Variants in LGR5 observed in about 807,000 individuals in gnomAD.
The protein encoded by LGR5 is leucine rich repeat containing G protein-coupled receptor 5, also known as leucine-rich repeat-containing G protein-coupled receptor 5.
In LGR5, 54 loss-of-function variants were observed where a neutral mutation model predicts 76.7. That is an observed-to-expected ratio of 0.70 (90% CI 0.57 to 0.88). The LOEUF (loss-of-function observed/expected upper bound fraction) is 0.88, where lower values mean the gene tolerates loss of function less well. LGR5 is among the 40% of genes least tolerant of loss of function. The pLI, the probability that LGR5 is intolerant of heterozygous loss-of-function variation, is 0.00. For missense variants in LGR5, 1,078 were observed against 1,073.3 expected (o/e 1.00, Z -0.06); for synonymous variants, 406 against 421.9 (o/e 0.96, Z 0.46).
chr12:71,504,758 T>C, intron 2 of LGR5, 73 bp downstream of exon 2: 2 of 1,222,288 alleles, frequency 1.6e-6, no homozygotes, highest in Admixed American at 1.7e-5. Context: ...TCATACTTAC[T>C]GTGGGAACCA....
rs192779725 is a variant in LGR5, at chr12:71,508,622, C to T, written c.284+3937C>T. Among the ~76,000 whole-genome samples the T allele has an allele frequency of 2.7e-3, 405 of 151,086 alleles. 3 individuals are homozygous for T. The highest frequency in any genetic ancestry group is 9.3e-3 in the African/African-American group (381 of 41,162). On this transcript the variant is annotated intron_variant, in intron 2 of 17. Coordinates refer to ENST00000266674, the MANE Select transcript of LGR5 (RefSeq NM_003667.4). The stretch of plus-strand genomic sequence containing the variant: ...TACAAAAATTAGCTGGGTGTTGTGG[C>T]GCGCGCCTGTAGTTCCAGCTACTCA...
At chr12:71,532,909 T>G (rs986528589) in intron 3 of LGR5, among the ~76,000 whole-genome samples, 2 of 152,034 alleles carry the variant, frequency 1.3e-5, no homozygotes, top group African/African-American at 4.8e-5. Flanking sequence ...AATGTTTAGA[T>G]AGCTAGGTGT....
At chr12:71,514,807 T>C (rs1875355531) in intron 2 of LGR5, among the ~76,000 whole-genome samples, 1 of 152,176 alleles carries the variant, frequency 6.6e-6, no homozygotes, top group Non-Finnish European at 1.5e-5. Flanking sequence ...ACAAATTGGA[T>C]ATGCTTAACA....
At chr12:71,517,093 A>G (rs1875483473) in intron 2 of LGR5, among the ~76,000 whole-genome samples, 2 of 152,140 alleles carry the variant, frequency 1.3e-5, no homozygotes, top group South Asian at 4.1e-4. Context: ...TCAAATCATC[A>G]CAACAAAGGT....
At chr12:71,563,952 C>T (rs375153820) in intron 8 of LGR5, among the ~76,000 whole-genome samples, 2 of 37,162 alleles carry the variant, frequency 5.4e-5, no homozygotes, top group African/African-American at 5.2e-5. Flanking sequence ...TGTATATATG[C>T]ATATATACGT....
chr12:71,560,144 C>A (rs998586036), intron 7 of LGR5, among the ~76,000 whole-genome samples: 3 of 152,156 alleles, frequency 2.0e-5, no homozygotes, highest in Non-Finnish European at 4.4e-5. Flanking sequence ...GGACAACAAC[C>A]CTTGCACAGT....
chr12:71,472,766 G>T (rs887781217), intron 1 of LGR5, among the ~76,000 whole-genome samples: 3 of 152,218 alleles, frequency 2.0e-5, no homozygotes, highest in African/African-American at 7.2e-5. Context: ...CACTGGCATT[G>T]TAACACTATT....
At chr12:71,551,667 A>G (rs1456157782) in intron 4 of LGR5, among the ~76,000 whole-genome samples, 1 of 152,206 alleles carries the variant, frequency 6.6e-6, no homozygotes, top group Non-Finnish European at 1.5e-5. Flanking sequence ...ACGAAAAGTT[A>G]GGACCTTTAA....
intron 1 of LGR5, among the ~76,000 whole-genome samples, chr12:71,456,396 G>T (rs377482869): frequency 6.6e-6 from 1 of 152,130 alleles, no homozygotes; most frequent in Admixed American, 6.6e-5. Flanking sequence ...AGCTGGCAGG[G>T]TTGTGTTCTT....
chr12:71,439,929 C>T lies in LGR5; in HGVS notation c.-152C>T. 1 of 654,398 alleles carries T rather than the reference C, an allele frequency of 1.5e-6. No homozygotes were observed. Among genetic ancestry groups the T allele is most frequent in the South Asian group, 2.1e-5 (1 of 48,768 alleles). 40.5% of individuals were successfully genotyped at this position (654,398 alleles called of 1,614,324 possible). ...CCCCGCCGCGCTTCTCCTCGCCGCCCACGCCGTGGGGTCAGGAACGCGGCG... is the reference window on the plus strand; with the variant it reads ...CCCCGCCGCGCTTCTCCTCGCCGCCTACGCCGTGGGGTCAGGAACGCGGCG... On this transcript the variant is annotated 5_prime_UTR_variant, in exon 1 of 18. Coordinates refer to ENST00000266674, the MANE Select transcript of LGR5 (RefSeq NM_003667.4).
chr12:71,530,585 AT>A (rs1359400012), intron 3 of LGR5, among the ~76,000 whole-genome samples: 1 of 152,058 alleles, frequency 6.6e-6, no homozygotes, highest in Non-Finnish European at 1.5e-5. Flanking sequence ...ATTTAAAGTT[AT>A]TTTTCCTGTA....
intron 1 of LGR5, among the ~76,000 whole-genome samples, chr12:71,474,534 G>T (rs908780560): frequency 6.6e-6 from 1 of 152,140 alleles, no homozygotes; most frequent in Non-Finnish European, 1.5e-5. Context: ...TTTTAAAATC[G>T]ACCCAGTAAG....
chr12:71,561,970 C>T (rs1328756672), intron 8 of LGR5, 118 bp downstream of exon 8: 1 of 614,826 alleles, frequency 1.6e-6, no homozygotes, highest in African/African-American at 1.9e-5. Context: ...TCTAAGAGTT[C>T]ATACAGAAAG....
At chr12:71,503,395 C>T (rs527247014) in intron 1 of LGR5, among the ~76,000 whole-genome samples, 1 of 152,250 alleles carries the variant, frequency 6.6e-6, no homozygotes, top group Admixed American at 6.5e-5. Flanking sequence ...TGTTCACTAA[C>T]AGATAATAAA....
chr12:71,467,181 G>A (rs1872900720), intron 1 of LGR5, among the ~76,000 whole-genome samples: 2 of 152,128 alleles, frequency 1.3e-5, no homozygotes, highest in African/African-American at 4.8e-5. Context: ...AGTGGAGTGA[G>A]GGGATTTGAA....
At chr12:71,489,822 G>A (rs1873986536) in intron 1 of LGR5, among the ~76,000 whole-genome samples, 1 of 152,144 alleles carries the variant, frequency 6.6e-6, no homozygotes, top group Admixed American at 6.5e-5. Flanking sequence ...CAGCACTTTG[G>A]GAGACTGAGG....
At position 71,584,841 on chromosome 12, in the gene LGR5, A is replaced by C. The variant is rs1006822137; in HGVS notation, c.*107A>C. The C allele has an allele frequency of 8.5e-7, 1 of 1,179,078 alleles. No individual in the cohort carries two copies. The highest frequency in any genetic ancestry group is 1.2e-6 in the Non-Finnish European group (1 of 839,296). 73.0% of individuals were successfully genotyped at this position (1,179,078 alleles called of 1,614,324 possible). ...AAGAGCTGAGGTGAAACTCGGTTTA[A>C]AAACCAAAAAAGAATCTCTCAGTTA... On this transcript the variant is annotated 3_prime_UTR_variant, in exon 18 of 18. Transcript: ENST00000266674.
chr12:71,555,776 A>G (rs562276116), intron 5 of LGR5, among the ~76,000 whole-genome samples: 1 of 152,302 alleles, frequency 6.6e-6, no homozygotes, highest in African/African-American at 2.4e-5. Context: ...CAACTCCTCA[A>G]AGACCTAAAG....
intron 1 of LGR5, among the ~76,000 whole-genome samples, chr12:71,496,891 G>T (rs1174017297): frequency 6.6e-6 from 1 of 152,160 alleles, no homozygotes; most frequent in Non-Finnish European, 1.5e-5. Flanking sequence ...AATATGAAAC[G>T]TTAGATGTCA....
Sources: gnomAD v4.1 joint callset for allele counts (sites outside exome capture counted in the v4.1 genomes callset) on GRCh38, gnomAD v4.1.1 for gene constraint, MANE v1.5 for transcripts, NCBI Gene and HGNC (gene_info 2026-07-23, HGNC 2026-07-21) for gene names.